GABRB1: variants seen among roughly 807,000 people sequenced by gnomAD.
GABRB1 encodes gamma-aminobutyric acid type A receptor subunit beta1.
GABRB1 carries 17 observed loss-of-function variants against 51.6 expected under a neutral mutation model. The ratio of observed to expected loss-of-function variants is 0.33; its 90% CI spans 0.23 to 0.49. The LOEUF (loss-of-function observed/expected upper bound fraction) is 0.49. Among genes scored for constraint, GABRB1 ranks in the 20% least tolerant of loss-of-function variants. GABRB1 has a pLI of 0.99. For synonymous variants in GABRB1, 247 were observed against 218.9 expected, an observed-to-expected ratio of 1.13 and a Z score of -1.14; for missense variants, 410 against 600.6, an observed-to-expected ratio of 0.68 and a Z score of 3.32.
intron 3 of GABRB1, among the ~76,000 whole-genome samples, chr4:47,080,946 G>A (rs1420056506): frequency 6.6e-6 from 1 of 152,096 alleles, no homozygotes; most frequent in Non-Finnish European, 1.5e-5. Context: ...ACAATATTGT[G>A]AAAACTACTC....
At chr4:47,141,524 G>A (rs904796895) in intron 3 of GABRB1, among the ~76,000 whole-genome samples, 3 of 151,966 alleles carry the variant, frequency 2.0e-5, no homozygotes, top group East Asian at 1.9e-4. Context: ...CATTATGCAC[G>A]TTATATTTTA....
At chr4:47,331,432 G>T (rs1264401080) in intron 5 of GABRB1, among the ~76,000 whole-genome samples, 1 of 152,040 alleles carries the variant, frequency 6.6e-6, no homozygotes. Context: ...CCTCATAGTT[G>T]TTCACTTCTA....
chr4:47,349,378 G>A (rs1726224436), intron 5 of GABRB1, among the ~76,000 whole-genome samples: 1 of 152,118 alleles, frequency 6.6e-6, no homozygotes. Context: ...GGAGTGTTGA[G>A]TCACAGAGGC....
intron 1 of GABRB1, among the ~76,000 whole-genome samples, chr4:47,019,625 C>CTTTCTTTCTT (rs1553909518): frequency 6.6e-5 from 6 of 91,100 alleles, no homozygotes; most frequent in Admixed American, 1.3e-4. Context: ...TTCTTTCTCT[C>CTTTCTTTCTT]TCTTTCTTTC....
chr4:47,357,387 T>C (rs1362334679), intron 5 of GABRB1, among the ~76,000 whole-genome samples: 1 of 152,170 alleles, frequency 6.6e-6, no homozygotes, highest in Admixed American at 6.5e-5. Flanking sequence ...CATCTACATA[T>C]GTGGTGAATG....
intron 3 of GABRB1, among the ~76,000 whole-genome samples, chr4:47,066,504 T>A (rs892375683): frequency 1.3e-5 from 2 of 152,248 alleles, no homozygotes; most frequent in Admixed American, 1.3e-4. Context: ...TGCTTCTTTA[T>A]CAACTAAGTT....
chr4:47,225,862 G>A (rs1339759376), intron 4 of GABRB1, among the ~76,000 whole-genome samples: 2 of 152,074 alleles, frequency 1.3e-5, no homozygotes, highest in East Asian at 1.9e-4. Context: ...ATGCGTAGTG[G>A]ATGAGGAATA....
chr4:47,033,957 A>C (rs905934243), intron 3 of GABRB1, among the ~76,000 whole-genome samples: 1 of 152,202 alleles, frequency 6.6e-6, no homozygotes, highest in Non-Finnish European at 1.5e-5. Context: ...CCCAAAACAT[A>C]TTATTTAGAA....
At chr4:47,379,527 T>C (rs1442812617) in intron 5 of GABRB1, among the ~76,000 whole-genome samples, 1 of 152,170 alleles carries the variant, frequency 6.6e-6, no homozygotes, top group Non-Finnish European at 1.5e-5. Flanking sequence ...AGGTTAGGTG[T>C]ATTAAGTGCA....
chr4:47,308,346 T>C (rs1158086472), intron 4 of GABRB1, among the ~76,000 whole-genome samples: 1 of 152,090 alleles, frequency 6.6e-6, no homozygotes, highest in African/African-American at 2.4e-5. Flanking sequence ...ATTTCTCCAC[T>C]AATTTCAGGA....
intron 3 of GABRB1, among the ~76,000 whole-genome samples, chr4:47,137,535 A>G (rs1373494521): frequency 1.3e-5 from 2 of 152,186 alleles, no homozygotes; most frequent in Non-Finnish European, 2.9e-5. Flanking sequence ...AAGAGAGTAC[A>G]ATCAGCTGGA....
At chr4:47,063,717 GA>G (rs1205701640) in intron 3 of GABRB1, among the ~76,000 whole-genome samples, 1 of 152,130 alleles carries the variant, frequency 6.6e-6, no homozygotes, top group African/African-American at 2.4e-5. Flanking sequence ...CCATAAAAAG[GA>G]ACGAGATCAT....
At chr4:47,162,992 C>T (rs956845071) in intron 4 of GABRB1, among the ~76,000 whole-genome samples, 1 of 152,022 alleles carries the variant, frequency 6.6e-6, no homozygotes, top group African/African-American at 2.4e-5. Context: ...ACTTCCTCTT[C>T]CCTCACAGAT....
At chr4:47,128,304 C>G (rs1175917939) in intron 3 of GABRB1, among the ~76,000 whole-genome samples, 1 of 151,712 alleles carries the variant, frequency 6.6e-6, no homozygotes, top group Non-Finnish European at 1.5e-5. Flanking sequence ...AAGTTCTCAT[C>G]AACTATCTGC....
chr4:47,290,188 T>G lies in GABRB1; in HGVS notation c.462-29939T>G, dbSNP rs188756983. 2.6e-5 allele frequency among the ~76,000 whole-genome samples: 4 copies of G among 152,364 alleles called. No homozygotes were observed. The East Asian group carries it at 5.8e-4, about 22-fold the overall frequency. On this transcript the variant is annotated intron_variant, in intron 4 of 8. Transcript: ENST00000295454. ...TCTCAACTTGAATTCCCAAGTGTTG[T>G]GGAAGGCACCCAGTGGGAGGTAATT...
chr4:47,200,564 A>G (rs1382374119), intron 4 of GABRB1, among the ~76,000 whole-genome samples: 1 of 152,184 alleles, frequency 6.6e-6, no homozygotes, highest in African/African-American at 2.4e-5. Context: ...CAAAACCAAA[A>G]GACAGTTTTG....
chr4:47,052,550 A>G (rs1192343423), intron 3 of GABRB1, among the ~76,000 whole-genome samples: 1 of 152,254 alleles, frequency 6.6e-6, no homozygotes. Context: ...CGGAGCTAGT[A>G]TAGCCACAGT....
chr4:47,128,953 ACTC>A (rs1159208688), intron 3 of GABRB1, among the ~76,000 whole-genome samples: 3 of 151,988 alleles, frequency 2.0e-5, no homozygotes, highest in Non-Finnish European at 4.4e-5. Flanking sequence ...CTTGTGACCT[ACTC>A]TTTGTGGTAA....
intron 5 of GABRB1, among the ~76,000 whole-genome samples, chr4:47,321,160 G>C (rs1393001029): frequency 6.6e-6 from 1 of 152,142 alleles, no homozygotes; most frequent in Non-Finnish European, 1.5e-5. Context: ...TAGCTAATCA[G>C]AACATTACTA....
Sources: allele counts gnomAD v4.1 joint callset (sites outside exome capture counted in the v4.1 genomes callset), GRCh38; gene constraint gnomAD v4.1.1; transcripts MANE v1.5; gene names NCBI Gene and HGNC (gene_info 2026-07-23, HGNC 2026-07-21).